The following PCNX2 variants were observed in gnomAD, a reference collection of about 807,000 sequenced individuals.
The protein encoded by PCNX2 is pecanex 2, also known as pecanex-like protein 2.
PCNX2 carries 168 observed loss-of-function variants against 223.8 expected under a neutral mutation model. The observed-to-expected ratio is 0.75, with a 90% CI of 0.66 to 0.85. The LOEUF (loss-of-function observed/expected upper bound fraction) is 0.85. Ranked by LOEUF, PCNX2 falls within the 40% of genes least tolerant of loss-of-function variation. The pLI, the probability that PCNX2 is intolerant of heterozygous loss-of-function variation, is 0.00. For missense variants in PCNX2, 2,507 were observed against 2,675.5 expected (o/e 0.94, Z 1.39); for synonymous variants, 1,006 against 1,052.6 (o/e 0.96, Z 0.86).
At chr1:233,169,644 C>CAAAA (rs200439765) in intron 17 of PCNX2, among the ~76,000 whole-genome samples, 5 of 68,884 alleles carry the variant, frequency 7.3e-5, no homozygotes, top group African/African-American at 2.8e-4. Context: ...AACTCCGTCT[C>CAAAA]AAAAAAAAAA....
intron 1 of PCNX2, among the ~76,000 whole-genome samples, chr1:233,281,830 T>C (rs1294918052): frequency 6.6e-6 from 1 of 152,196 alleles, no homozygotes; most frequent in African/African-American, 2.4e-5. Context: ...CCTTCCCTTA[T>C]GGAGTTAGAT....
chr1:233,241,256 G>T (rs1318763599), intron 8 of PCNX2: 2 of 985,260 alleles, frequency 2.0e-6, no homozygotes, highest in East Asian at 2.3e-4. Flanking sequence ...GGGAGCATGG[G>T]ACCTGACTGC....
chr1:233,306,594 G>A, the PCNX2 span, among the ~76,000 whole-genome samples: 1 of 152,154 alleles, frequency 6.6e-6, no homozygotes, highest in Non-Finnish European at 1.5e-5. Flanking sequence ...ATTGGATTGG[G>A]AAATATACAT....
intron 8 of PCNX2, among the ~76,000 whole-genome samples, chr1:233,247,365 A>G (rs1659184655): frequency 6.6e-6 from 1 of 152,232 alleles, no homozygotes; most frequent in African/African-American, 2.4e-5. Flanking sequence ...GACTAACTAT[A>G]CATATGATAG....
rs1366327318 is a variant in PCNX2, at chr1:233,000,096, G to C, written c.5328+209C>G. On this transcript the variant is annotated intron_variant, in intron 30 of 33. Transcript: ENST00000258229. The surrounding 1 kb of genome is among the most constrained non-coding windows in gnomAD (Gnocchi z 4.6). ...TGTGTGCTGGCTCTGTGAGGTGGAGGGTGATCCTGCCAGGGGAACACAGCA... is the reference window on the plus strand; with the variant it reads ...TGTGTGCTGGCTCTGTGAGGTGGAGCGTGATCCTGCCAGGGGAACACAGCA... 1.3e-5 allele frequency among the ~76,000 whole-genome samples: 2 copies of C among 151,936 alleles called. No homozygotes were observed. Among genetic ancestry groups the C allele is most frequent in the Non-Finnish European group, 2.9e-5 (2 of 68,034 alleles).
the PCNX2 span, among the ~76,000 whole-genome samples, chr1:233,309,805 G>A: frequency 6.6e-6 from 1 of 151,912 alleles, no homozygotes; most frequent in East Asian, 1.9e-4. Flanking sequence ...TTGGGTCTGG[G>A]AGGCGGTTGT....
chr1:233,313,228 G>A, the PCNX2 span, among the ~76,000 whole-genome samples: 19 of 152,170 alleles, frequency 1.2e-4, no homozygotes, highest in African/African-American at 4.3e-4. Flanking sequence ...GCAATGCTCC[G>A]CTCCTTGATC....
chr1:233,088,339 G>A (rs12026554), intron 23 of PCNX2, among the ~76,000 whole-genome samples: 12,932 of 152,200 alleles, frequency 0.085, 810 homozygotes, highest in East Asian at 0.36. Flanking sequence ...CAAGTTTTAA[G>A]TATGTTGTAC....
chr1:233,291,910 T>C (rs1661788917), intron 1 of PCNX2: 2 of 985,310 alleles, frequency 2.0e-6, no homozygotes, highest in South Asian at 4.7e-5. Context: ...GCCAGAATCA[T>C]GCCCATATGC....
chr1:233,293,834 G>A (rs1201357226), intron 1 of PCNX2: 1 of 483,746 alleles, frequency 2.1e-6, no homozygotes, highest in Non-Finnish European at 2.7e-6. Context: ...ATTAGGTCTA[G>A]TGAGCAGCAG....
chr1:233,264,455 T>G (rs1441888294), intron 1 of PCNX2, among the ~76,000 whole-genome samples: 4 of 152,122 alleles, frequency 2.6e-5, no homozygotes, highest in African/African-American at 9.7e-5. Flanking sequence ...CAGCTTGCCG[T>G]GGTCCCATGC....
chr1:233,301,614 G>A, the PCNX2 span, among the ~76,000 whole-genome samples: 2 of 152,124 alleles, frequency 1.3e-5, no homozygotes, highest in Admixed American at 6.5e-5. Flanking sequence ...GGAATTCAAG[G>A]TTGGCTTAAC....
chr1:233,307,169 A>G, the PCNX2 span, among the ~76,000 whole-genome samples: 2 of 152,220 alleles, frequency 1.3e-5, no homozygotes, highest in African/African-American at 2.4e-5. Flanking sequence ...TGAAAGATCA[A>G]TGTACATATT....
Position 232,999,178 on chromosome 1 carries a change from G to T in PCNX2, c.5530C>A (p.Gln1844Lys). 6.2e-7 allele frequency: 1 copy of T among 1,613,940 alleles called. No individual in the cohort carries two copies. The highest frequency in any genetic ancestry group is 8.5e-7 in the Non-Finnish European group (1 of 1,179,860). ...GGTCCACCCCAGATGTTCTTCAGCT[G>T]CCTGTGTGTCCCTAGGTAGGATGTG... ...LTTSYLGTHR[Q>K]LKNIWGGPIT... The change falls in exon 31 of 34, where the codon CAG becomes AAG. Residue 1844 changes from glutamine (Q) to lysine (K), a missense_variant. Physicochemically the swap from Gln to Lys is moderately conservative, Grantham distance 53. Around this residue, in one of 3 missense-constraint regions of PCNX2, gnomAD observed 1,372 missense variants for 1,509.4 expected, o/e 0.91. Transcript: ENST00000258229.
chr1:232,999,312 C>A lies in PCNX2; in HGVS notation c.5396G>T (p.Arg1799Leu), dbSNP rs757847115. The A allele has an allele frequency of 6.2e-7, 1 of 1,606,390 alleles. No individual in the cohort carries two copies. Among genetic ancestry groups the A allele is most frequent in the Admixed American group, 1.7e-5 (1 of 58,774 alleles). Reference protein sequence around the residue: ...QQQELIFLRNRNPERGSIQNN... With the variant: ...QQQELIFLRNLNPERGSIQNN... ...CTGGATACTGCCGCGCTCCGGATTG[C>A]GGTTGCGAAGAAATATAAGCTCCTG... The change falls in exon 31 of 34, where the codon CGC becomes CTC. Residue 1799 changes from arginine (R) to leucine (L), a missense_variant. By Grantham distance (102) the Arg-to-Leu change is moderately radical. Transcript: ENST00000258229.
intron 25 of PCNX2, chr1:233,031,884 T>C: frequency 1.0e-6 from 1 of 984,808 alleles, no homozygotes; most frequent in Non-Finnish European, 1.2e-6. Flanking sequence ...AAATGCATAC[T>C]GGACTATAAA....
intron 1 of PCNX2, chr1:233,289,494 G>C (rs897650984): frequency 1.2e-6 from 1 of 810,292 alleles, no homozygotes; most frequent in Non-Finnish European, 2.1e-6. Flanking sequence ...AGGAAGAGCA[G>C]AAGGATGCCT....
At chr1:233,032,350 A>G (rs1044317353) in intron 25 of PCNX2, among the ~76,000 whole-genome samples, 3 of 152,066 alleles carry the variant, frequency 2.0e-5, no homozygotes, top group Admixed American at 2.0e-4. Context: ...TGATCCACCC[A>G]CCTCGGCCTC....
At chr1:233,236,617 C>A (rs539872047) in intron 9 of PCNX2, among the ~76,000 whole-genome samples, 2 of 152,174 alleles carry the variant, frequency 1.3e-5, no homozygotes, top group Non-Finnish European at 2.9e-5. Flanking sequence ...TGAAAAGCAA[C>A]AGAGACAGTG....
Sources: allele counts gnomAD v4.1 joint callset (sites outside exome capture counted in the v4.1 genomes callset), GRCh38; gene constraint gnomAD v4.1.1; regional missense constraint gnomAD v4.1.1; non-coding constraint Gnocchi (gnomAD v3.1); transcripts MANE v1.5; gene names NCBI Gene and HGNC (gene_info 2026-07-23, HGNC 2026-07-21).